The following PPP2R2B variants were observed in gnomAD, a reference collection of about 807,000 sequenced individuals.
PPP2R2B encodes protein phosphatase 2 regulatory subunit Bbeta.
A neutral mutation model predicts 46.0 loss-of-function variants in PPP2R2B; 5 were observed. That is an observed-to-expected ratio of 0.11 (90% CI 0.06 to 0.23). The LOEUF is 0.23. Ranked by LOEUF, PPP2R2B falls within the 10% of genes least tolerant of loss-of-function variation. The pLI is 1.00. For synonymous variants in PPP2R2B, 215 were observed against 206.7 expected (o/e 1.04, Z -0.34); for missense variants, 367 against 575.0 (o/e 0.64, Z 3.70).
chr5:147,069,783 C>CTGTT (rs1757521232), intron 2 of PPP2R2B, among the ~76,000 whole-genome samples: 1 of 48,436 alleles, frequency 2.1e-5, no homozygotes, highest in African/African-American at 8.9e-5. Flanking sequence ...ACATTTTATA[C>CTGTT]TGTTTTTTTT....
At chr5:146,634,396 G>A (rs1004204606) in intron 7 of PPP2R2B, among the ~76,000 whole-genome samples, 1 of 152,050 alleles carries the variant, frequency 6.6e-6, no homozygotes, top group Non-Finnish European at 1.5e-5. Context: ...GTGCAGTGGG[G>A]CAATCTCAGC....
chr5:146,967,494 C>T (rs539963386), intron 1 of PPP2R2B, among the ~76,000 whole-genome samples: 1 of 152,240 alleles, frequency 6.6e-6, no homozygotes, highest in Non-Finnish European at 1.5e-5. Flanking sequence ...AGTAATTTCC[C>T]CATGGTTACC....
At chr5:146,721,317 TCAGACAG>T (rs1780784746) in intron 2 of PPP2R2B, among the ~76,000 whole-genome samples, 1 of 152,224 alleles carries the variant, frequency 6.6e-6, no homozygotes, top group South Asian at 2.1e-4. Context: ...AGGAAAATTT[TCAGACAG>T]CATCTGGCCA....
intron 2 of PPP2R2B, among the ~76,000 whole-genome samples, chr5:146,720,818 G>A (rs1780751882): frequency 1.3e-5 from 2 of 152,104 alleles, no homozygotes; most frequent in East Asian, 1.9e-4. Context: ...TTCTAGTGTG[G>A]AGTAAAGAAG....
Position 146,688,588 on chromosome 5 carries a change from T to G in PPP2R2B, c.447+2540A>C, listed in dbSNP as rs892178803. ...GAAAGCAAGAACCAGAGTTGGAATT[T>G]TCCAACTCCCAGCCACACCTCAGGG... On this transcript the variant is annotated intron_variant, in intron 5 of 9. Coordinates refer to ENST00000394411, the MANE Select transcript of PPP2R2B (RefSeq NM_181675.4). Among the ~76,000 whole-genome samples, 3 of 152,002 alleles carry G rather than the reference T, an allele frequency of 2.0e-5. No homozygotes were observed. In the South Asian group the frequency reaches 6.2e-4, roughly 31 times the overall value.
At chr5:146,702,584 T>G (rs1035880242) in intron 2 of PPP2R2B, among the ~76,000 whole-genome samples, 3 of 152,254 alleles carry the variant, frequency 2.0e-5, no homozygotes, top group Admixed American at 1.3e-4. Flanking sequence ...TATTGCCATG[T>G]ATTGCCTGAT....
At chr5:146,861,494 A>G (rs1344824830) in intron 2 of PPP2R2B, among the ~76,000 whole-genome samples, 3 of 152,200 alleles carry the variant, frequency 2.0e-5, no homozygotes, top group Non-Finnish European at 4.4e-5. Context: ...CCCGTCGTCA[A>G]ACTAATGTGT....
intron 2 of PPP2R2B, among the ~76,000 whole-genome samples, chr5:146,729,829 C>T (rs1429979309): frequency 6.6e-6 from 1 of 152,220 alleles, no homozygotes; most frequent in South Asian, 2.1e-4. Flanking sequence ...GATGCCCAGG[C>T]AAAAGTTTGC....
intron 2 of PPP2R2B, among the ~76,000 whole-genome samples, chr5:147,067,916 G>A (rs1047507415): frequency 2.6e-5 from 4 of 152,090 alleles, no homozygotes; most frequent in Admixed American, 6.6e-5. Flanking sequence ...CTCTGACATC[G>A]TGTCTGTAGA....
intron 1 of PPP2R2B, among the ~76,000 whole-genome samples, chr5:146,912,657 AC>A (rs1763232466): frequency 6.6e-6 from 1 of 151,720 alleles, no homozygotes; most frequent in African/African-American, 2.4e-5. Context: ...GGCGTGTGCC[AC>A]CATGCCTGGC....
At chr5:146,842,520 C>T (rs1379623767) in intron 2 of PPP2R2B, among the ~76,000 whole-genome samples, 1 of 141,650 alleles carries the variant, frequency 7.1e-6, no homozygotes, top group Admixed American at 7.2e-5. Context: ...GTTACATGTG[C>T]AGGATGTGCA....
At chr5:146,722,781 T>C (rs1751607707) in intron 2 of PPP2R2B, among the ~76,000 whole-genome samples, 1 of 152,234 alleles carries the variant, frequency 6.6e-6, no homozygotes, top group Admixed American at 6.5e-5. Context: ...AACACAATTA[T>C]ATACAGTACC....
At chr5:146,621,892 T>G (rs1773728478) in intron 7 of PPP2R2B, among the ~76,000 whole-genome samples, 1 of 152,244 alleles carries the variant, frequency 6.6e-6, no homozygotes, top group South Asian at 2.1e-4. Context: ...GTCCTCATTT[T>G]GCACTTGGTT....
At chr5:146,990,141 A>G (rs1211382971) in intron 1 of PPP2R2B, among the ~76,000 whole-genome samples, 2 of 151,462 alleles carry the variant, frequency 1.3e-5, no homozygotes, top group Non-Finnish European at 1.5e-5. Context: ...AATATTGTTA[A>G]AATGTCCATA....
At chr5:146,707,069 C>T in intron 2 of PPP2R2B, 1 of 1,250,138 alleles carries the variant, frequency 8.0e-7, no homozygotes, top group Admixed American at 1.7e-5. Context: ...TTATTGATCT[C>T]ATCCTCATAG....
At chr5:146,857,629 T>C (rs1052791530) in intron 2 of PPP2R2B, among the ~76,000 whole-genome samples, 2 of 152,210 alleles carry the variant, frequency 1.3e-5, no homozygotes, top group African/African-American at 4.8e-5. Flanking sequence ...TCCTCTGTTT[T>C]GTAATCAAAA....
chr5:146,596,706 G>A (rs1037802610), intron 8 of PPP2R2B, among the ~76,000 whole-genome samples: 1 of 152,214 alleles, frequency 6.6e-6, no homozygotes, highest in African/African-American at 2.4e-5. Context: ...GGCTAAAGAT[G>A]AAGGGCTGCA....
chr5:147,010,268 G>A (rs1008485528), intron 1 of PPP2R2B, among the ~76,000 whole-genome samples: 1 of 152,152 alleles, frequency 6.6e-6, no homozygotes, highest in Non-Finnish European at 1.5e-5. Flanking sequence ...ACCAGGGGCC[G>A]GTTTTGTGGA....
chr5:147,058,472 C>T (rs6580448), upstream of PPP2R2B, among the ~76,000 whole-genome samples: 99,056 of 151,962 alleles, frequency 0.65, 32,521 homozygotes, highest in Middle Eastern at 0.76. Context: ...CATAGCTATC[C>T]TCAAAGAACT....
Sources: allele counts gnomAD v4.1 joint callset (sites outside exome capture counted in the v4.1 genomes callset), GRCh38; gene constraint gnomAD v4.1.1; transcripts MANE v1.5; gene names NCBI Gene and HGNC (gene_info 2026-07-23, HGNC 2026-07-21).